USP30: variants seen among roughly 807,000 people sequenced by gnomAD.
USP30 encodes ubiquitin specific peptidase 30, also known as ubiquitin carboxyl-terminal hydrolase 30.
Under a neutral mutation model 68.2 loss-of-function variants are expected in USP30, and 41 were observed. That is an observed-to-expected ratio of 0.60 (90% CI 0.47 to 0.78). USP30 has a LOEUF of 0.78. USP30 is among the 30% of genes least tolerant of loss of function. USP30 has a pLI of 0.00. For missense variants in USP30, 522 were observed against 649.4 expected, an observed-to-expected ratio of 0.80 and a Z score of 2.13; for synonymous variants, 229 against 253.7, an observed-to-expected ratio of 0.90 and a Z score of 0.93.
At chr12:109,083,193 C>A in intron 11 of USP30, 131 bp downstream of exon 11, 1 of 884,676 alleles carries the variant, frequency 1.1e-6, no homozygotes, top group Non-Finnish European at 1.6e-6. Context: ...CTCTTGAGAA[C>A]AGCAGGATTG....
At chr12:109,031,839 C>A (rs1052378907) in intron 3 of USP30, among the ~76,000 whole-genome samples, 1 of 152,136 alleles carries the variant, frequency 6.6e-6, no homozygotes, top group Non-Finnish European at 1.5e-5. Flanking sequence ...TGTGATTACT[C>A]GGGCTTGTAA....
chr12:109,042,721 A>G (rs550455607), intron 3 of USP30, among the ~76,000 whole-genome samples: 1 of 152,324 alleles, frequency 6.6e-6, no homozygotes, highest in Non-Finnish European at 1.5e-5. Context: ...CACAACTTCT[A>G]TTTAACGTAG....
upstream of USP30, among the ~76,000 whole-genome samples, chr12:109,049,672 A>T (rs1028281610): frequency 3.9e-5 from 6 of 152,120 alleles, no homozygotes; most frequent in African/African-American, 1.4e-4. Flanking sequence ...AAAATTAGCC[A>T]GGCATGGTGG....
In USP30 at chr12:109,072,440, G is replaced by A. The variant is rs531063806; in HGVS notation, c.625+90G>A. 6.3e-6 allele frequency: 8 copies of A among 1,274,096 alleles called. No individual in the cohort carries two copies. The African/African-American group carries it at 7.4e-5, about 12-fold the overall frequency. The allele number at this position is 1,274,096 out of a possible 1,614,324, so 78.9% of individuals were successfully genotyped here. On this transcript the variant is annotated intron_variant, in intron 6 of 12. Coordinates refer to ENST00000257548, the MANE Select transcript of USP30 (RefSeq NM_032663.5). ...CTTGTTTTAAAAAGATTTTTTTCTGGTGACATACAGGCCAGCTTGAAGTGT... is the reference window on the plus strand; with the variant it reads ...CTTGTTTTAAAAAGATTTTTTTCTGATGACATACAGGCCAGCTTGAAGTGT...
At chr12:109,072,278 T>A in intron 5 of USP30, 27 bp from the exon 6 acceptor site, 1 of 1,608,516 alleles carries the variant, frequency 6.2e-7, no homozygotes, top group Non-Finnish European at 8.5e-7. Flanking sequence ...AGGTTTTCAG[T>A]CTGTTTTTTT....
At chr12:109,043,957 G>A (rs953527952) in intron 3 of USP30, among the ~76,000 whole-genome samples, 1 of 152,130 alleles carries the variant, frequency 6.6e-6, no homozygotes, top group Non-Finnish European at 1.5e-5. Context: ...CTAAAACATA[G>A]GTAGCAACCC....
At chr12:109,082,546 T>G in intron 9 of USP30, 117 bp from the exon 10 acceptor site, 1 of 925,092 alleles carries the variant, frequency 1.1e-6, no homozygotes, top group South Asian at 1.7e-5. Flanking sequence ...TGGGTTCATT[T>G]CAGCAGGTAG....
intron 4 of USP30, among the ~76,000 whole-genome samples, chr12:109,068,205 A>G (rs920043883): frequency 1.3e-5 from 2 of 152,184 alleles, no homozygotes; most frequent in Admixed American, 1.3e-4. Flanking sequence ...GCAGAGGCCA[A>G]GAGAATGAAG....
In USP30 at chr12:109,083,112, A is replaced by G. The variant is rs746495911; in HGVS notation, c.1168+50A>G. 32 of 1,537,112 alleles carry G rather than the reference A, an allele frequency of 2.1e-5. No homozygotes were observed. The South Asian group carries it at 3.6e-4, about 17-fold the overall frequency. On this transcript the variant is annotated intron_variant, in intron 11 of 12. Coordinates refer to ENST00000257548, the MANE Select transcript of USP30 (RefSeq NM_032663.5). ...CAGCAGGAATTTTCAGCACAGAGAAAAGCAGTTTGGCATCACCACCTTCTG... is the reference window on the plus strand; with the variant it reads ...CAGCAGGAATTTTCAGCACAGAGAAGAGCAGTTTGGCATCACCACCTTCTG...
chr12:109,055,400 A>ATATATATATTTTT (rs1298811530), intron 1 of USP30, among the ~76,000 whole-genome samples: 7 of 24,472 alleles, frequency 2.9e-4, no homozygotes, highest in African/African-American at 7.8e-4. Context: ...ATATATATAT[A>ATATATATATTTTT]TTTTTTTTTT....
chr12:109,070,420 C>T lies in USP30; in HGVS notation c.481-1192C>T, dbSNP rs1243028539. ...AGAGACCTGAAGGATAGGAGGTAGC[C>T]GTGCGAAGGTCTGAGCACAGCCCGA... On this transcript the variant is annotated intron_variant, in intron 4 of 12. Coordinates refer to ENST00000257548, the MANE Select transcript of USP30 (RefSeq NM_032663.5). This position sits in a 1 kb window ranked among gnomAD's most constrained non-coding sequence, Gnocchi z 4.0. Among the ~76,000 whole-genome samples, 3 of 151,938 alleles carry T rather than the reference C, an allele frequency of 2.0e-5. No individual in the cohort carries two copies. Among genetic ancestry groups the T allele is most frequent in the Admixed American group, 6.6e-5 (1 of 15,262 alleles).
At chr12:109,071,760 A>G (rs776313842) in intron 5 of USP30, 50 bp downstream of exon 5, 2 of 1,522,268 alleles carry the variant, frequency 1.3e-6, no homozygotes, top group South Asian at 1.1e-5. Context: ...TGCATATTTA[A>G]TAAGTATAGG....
rs770288696 is a variant in USP30 at position 109,068,300 on chromosome 12, C to T, written c.480+673C>T. On this transcript the variant is annotated intron_variant, in intron 4 of 12. Transcript: ENST00000257548. ...CTTCCAAGATGGCCTTGTCCAGCTT[C>T]GTGTAGGCGTTGTCTGCCGCCACTA... Among the ~76,000 whole-genome samples, 7 of 152,210 alleles carry T rather than the reference C, an allele frequency of 4.6e-5. No homozygotes were observed. In the East Asian group the frequency reaches 9.6e-4, roughly 21 times the overall value.
intron 1 of USP30, among the ~76,000 whole-genome samples, chr12:109,023,494 G>A (rs576634508): frequency 6.6e-6 from 1 of 152,178 alleles, no homozygotes; most frequent in African/African-American, 2.4e-5. Flanking sequence ...AGCAGAGGTT[G>A]CAATGAGCTG....
At chr12:109,049,222 C>T (rs1048266833), upstream of USP30, among the ~76,000 whole-genome samples, 2 of 152,212 alleles carry the variant, frequency 1.3e-5, no homozygotes, top group African/African-American at 4.8e-5. Context: ...ACACCTTCCT[C>T]ACTGAGCTTA....
intron 3 of USP30, among the ~76,000 whole-genome samples, chr12:109,059,563 GAGTGC>G (rs1191028404): frequency 6.6e-6 from 1 of 151,834 alleles, no homozygotes; most frequent in Admixed American, 6.6e-5. Context: ...GCCCAGGCTG[GAGTGC>G]AGTAGCACGA....
At chr12:109,081,850 C>G in intron 8 of USP30, 83 bp from the exon 9 acceptor site, 1 of 1,341,004 alleles carries the variant, frequency 7.5e-7, no homozygotes, top group Non-Finnish European at 1.1e-6. Flanking sequence ...AAATAAAGCT[C>G]TGGTCTTCAC....
At chr12:109,054,707 C>T (rs896172399) in intron 1 of USP30, 10 of 152,142 alleles carry the variant, frequency 6.6e-5, no homozygotes, top group Non-Finnish European at 1.3e-4. Context: ...TATGGATTGT[C>T]CCCATTGTAC....
chr12:109,084,373 T>C (rs551562966), intron 11 of USP30, among the ~76,000 whole-genome samples: 42 of 152,350 alleles, frequency 2.8e-4, no homozygotes, highest in African/African-American at 9.9e-4. Flanking sequence ...ACGTTGGTAT[T>C]CCTTAGAAGC....
Sources: gnomAD v4.1 joint callset for allele counts (sites outside exome capture counted in the v4.1 genomes callset) on GRCh38, gnomAD v4.1.1 for gene constraint, Gnocchi (gnomAD v3.1) non-coding constraint, MANE v1.5 for transcripts, NCBI Gene and HGNC (gene_info 2026-07-23, HGNC 2026-07-21) for gene names.